The following WT1 variants were observed in gnomAD, a reference collection of about 807,000 sequenced individuals.
WT1 encodes WT1 transcription factor, also known as Wilms tumor protein.
Under a neutral mutation model 60.8 loss-of-function variants are expected in WT1, and 8 were observed. The ratio of observed to expected loss-of-function variants is 0.13; its 90% CI spans 0.08 to 0.24. The LOEUF is 0.24. Ranked by LOEUF, WT1 falls within the 10% of genes least tolerant of loss-of-function variation. The pLI is 1.00. For missense variants in WT1, 568 were observed against 711.8 expected (o/e 0.80, Z 2.30); for synonymous variants, 312 against 297.1 (o/e 1.05, Z -0.52).
chr11:32,433,612 C>T (rs1173166099), intron 1 of WT1, among the ~76,000 whole-genome samples: 1 of 152,168 alleles, frequency 6.6e-6, no homozygotes, highest in Non-Finnish European at 1.5e-5. Flanking sequence ...ACTAAATTAC[C>T]GAATCAAACC....
chr11:32,389,274 A>C (rs1217717190), intron 9 of WT1, 95 bp from the exon 10 acceptor site: 1 of 1,599,554 alleles, frequency 6.3e-7, no homozygotes, highest in Admixed American at 1.7e-5. Context: ...CAAGGCACCC[A>C]CTCTGAATTT....
rs1214646426 is a variant in WT1, at chr11:32,435,295, C to A, written c.66G>T (p.Thr22=). Residue 22 remains threonine, a synonymous_variant, in exon 1 of 10, where the codon ACG becomes ACT. Coordinates refer to ENST00000452863, the MANE Select transcript of WT1 (RefSeq NM_024426.6). ...GTAGGCACCCAGGCCCGGAGCGGAG[C>A]GTGTGCTGAGACGCCGGCTCCGGGA... 2 of 1,533,448 alleles carry A rather than the reference C, an allele frequency of 1.3e-6. No homozygotes were observed. The highest frequency in any genetic ancestry group is 8.7e-7 in the Non-Finnish European group (1 of 1,146,448). 95.0% of individuals were successfully genotyped at this position (1,533,448 alleles called of 1,614,324 possible).
chr11:32,397,383 C>T (rs569039401), intron 6 of WT1, among the ~76,000 whole-genome samples: 26 of 152,094 alleles, frequency 1.7e-4, no homozygotes, highest in Non-Finnish European at 2.8e-4. Flanking sequence ...GTGGCACGAT[C>T]GGGGCTCCTG....
chr11:32,432,049 C>G (rs544784134), intron 1 of WT1, among the ~76,000 whole-genome samples: 2 of 152,316 alleles, frequency 1.3e-5, no homozygotes, highest in East Asian at 3.9e-4. Context: ...AATTAATATT[C>G]AGAACCCAGT....
At chr11:32,404,285 A>G (rs1852246990) in intron 5 of WT1, among the ~76,000 whole-genome samples, 1 of 151,974 alleles carries the variant, frequency 6.6e-6, no homozygotes, top group African/African-American at 2.4e-5. Context: ...AAAAAAAAAA[A>G]AAAAGATTTC....
Position 32,428,739 on chromosome 11 carries a change from G to T in WT1, c.662-120C>A, listed in dbSNP as rs564401206. The stretch of plus-strand genomic sequence containing the variant: ...TGAACCCCGCATTCGGACCCCCAGC[G>T]GAGGAGAATCCAGCCCCACAAGCCT... On this transcript the variant is annotated intron_variant, in intron 1 of 9. Transcript: ENST00000452863. 5 of 1,488,546 alleles carry T rather than the reference G, an allele frequency of 3.4e-6. No homozygotes were observed. The African/African-American group carries it at 5.6e-5, about 17-fold the overall frequency. 92.2% of individuals were successfully genotyped at this position (1,488,546 alleles called of 1,614,324 possible).
In WT1 at chr11:32,431,113, C is replaced by T. The variant is rs371328508; in HGVS notation, c.662-2494G>A. Among the ~76,000 whole-genome samples, 4 of 152,286 alleles carry T rather than the reference C, an allele frequency of 2.6e-5. No homozygotes were observed. The South Asian group carries it at 6.2e-4, about 24-fold the overall frequency. The stretch of plus-strand genomic sequence containing the variant: ...CGAGACGCGCTCTGTGCCCTCCTCC[C>T]CCGCCGGCGGCTGCAGAGAAGCCGG... On this transcript the variant is annotated intron_variant, in intron 1 of 9. Coordinates refer to ENST00000452863, the MANE Select transcript of WT1 (RefSeq NM_024426.6).
At chr11:32,397,800 A>G (rs1371410509) in intron 6 of WT1, among the ~76,000 whole-genome samples, 1 of 152,192 alleles carries the variant, frequency 6.6e-6, no homozygotes, top group Non-Finnish European at 1.5e-5. Context: ...ATACAACACA[A>G]CATTGATGTT....
At chr11:32,403,303 G>A (rs1852210938) in intron 5 of WT1, among the ~76,000 whole-genome samples, 1 of 152,184 alleles carries the variant, frequency 6.6e-6, no homozygotes, top group Admixed American at 6.5e-5. Flanking sequence ...ACTGGCATCT[G>A]ATGTGGTAGC....
At chr11:32,416,167 C>G (rs773968479) in intron 5 of WT1, among the ~76,000 whole-genome samples, 1 of 152,158 alleles carries the variant, frequency 6.6e-6, no homozygotes, top group Non-Finnish European at 1.5e-5. Context: ...ACTGATCTAA[C>G]AGGAACATGT....
rs1564975631 is a variant in WT1 at position 32,399,968 on chromosome 11, C to T, written c.1093G>A (p.Gly365Ser). The change falls in exon 6 of 10, where the codon GGT (glycine) becomes AGT (serine). Residue 365 changes from glycine (G) to serine (S), a missense_variant. Around this residue, in one of 3 missense-constraint regions of WT1, gnomAD observed 523 missense variants for 565.1 expected, o/e 0.93. Coordinates refer to ENST00000452863, the MANE Select transcript of WT1 (RefSeq NM_024426.6). ...CTCACCTGAATGCCTCTGAAGACAC[C>T]GTGCGTGTGTATTCTGTATTGGGCT... 1 of 1,614,162 alleles carries T rather than the reference C, an allele frequency of 6.2e-7. No individual in the cohort carries two copies. The highest frequency in any genetic ancestry group is 8.5e-7 in the Non-Finnish European group (1 of 1,180,034).
intron 5 of WT1, among the ~76,000 whole-genome samples, chr11:32,412,326 T>A (rs10835906): frequency 2.0e-5 from 3 of 151,962 alleles, no homozygotes. Context: ...TTGAATACTG[T>A]GTGTTCCCAA....
At chr11:32,404,075 C>G (rs1228387420) in intron 5 of WT1, among the ~76,000 whole-genome samples, 1 of 151,436 alleles carries the variant, frequency 6.6e-6, no homozygotes, top group Non-Finnish European at 1.5e-5. Flanking sequence ...AGATCGAGAC[C>G]AGCCTAGCCA....
chr11:32,395,157 TC>T (rs1164614477), intron 7 of WT1, among the ~76,000 whole-genome samples: 1 of 152,206 alleles, frequency 6.6e-6, no homozygotes, highest in African/African-American at 2.4e-5. Context: ...CTCACTTTTT[TC>T]TCCAGCTTCC....
chr11:32,425,257 C>T (rs1427670774), intron 3 of WT1, among the ~76,000 whole-genome samples: 1 of 150,894 alleles, frequency 6.6e-6, no homozygotes, highest in Non-Finnish European at 1.5e-5. Flanking sequence ...CAGTCAGCCT[C>T]AGAGGGTCAA....
rs2133038201 is a variant in WT1 at position 32,417,707 on chromosome 11, A to T, written c.888-53T>A. 2.0e-6 allele frequency: 3 copies of T among 1,473,292 alleles called. No individual in the cohort carries two copies. The South Asian group carries it at 3.4e-5, about 17-fold the overall frequency. The allele number at this position is 1,473,292 out of a possible 1,614,324, so 91.3% of individuals were successfully genotyped here. ...ACACATAACCACAAAATAATACACA[A>T]CTGTTTCTTCAAAAGCAATGGAGTT... On this transcript the variant is annotated intron_variant, in intron 3 of 9. Transcript: ENST00000452863.
chr11:32,390,741 C>T (rs1851792396), intron 9 of WT1, among the ~76,000 whole-genome samples: 1 of 152,166 alleles, frequency 6.6e-6, no homozygotes, highest in South Asian at 2.1e-4. Context: ...CAGTGGTGTT[C>T]AGCTTTGCTG....
chr11:32,412,194 T>G (rs754719293), intron 5 of WT1, among the ~76,000 whole-genome samples: 2 of 152,170 alleles, frequency 1.3e-5, no homozygotes, highest in Non-Finnish European at 2.9e-5. Flanking sequence ...GATGAGACCA[T>G]GTCTAGCGGG....
At chr11:32,389,932 T>C (rs1005538003) in intron 9 of WT1, among the ~76,000 whole-genome samples, 2 of 152,182 alleles carry the variant, frequency 1.3e-5, no homozygotes, top group Non-Finnish European at 2.9e-5. Flanking sequence ...GCTTAACATA[T>C]GCCAAGCCTT....
Sources: gnomAD v4.1 joint callset for allele counts (sites outside exome capture counted in the v4.1 genomes callset) on GRCh38, gnomAD v4.1.1 for gene constraint, gnomAD v4.1.1 regional missense constraint, MANE v1.5 for transcripts, NCBI Gene and HGNC (gene_info 2026-07-23, HGNC 2026-07-21) for gene names.